The following CDK18 variants were observed in gnomAD, a reference collection of about 807,000 sequenced individuals.
The protein encoded by CDK18 is cyclin dependent kinase 18.
Under a neutral mutation model 62.0 loss-of-function variants are expected in CDK18, and 52 were observed. The observed-to-expected ratio is 0.84, with a 90% CI of 0.67 to 1.06. CDK18 has a LOEUF of 1.06. CDK18 is among the 50% of genes least tolerant of loss of function. The pLI is 0.00. For missense variants in CDK18, 604 were observed against 619.9 expected, an observed-to-expected ratio of 0.97 and a Z score of 0.27; for synonymous variants, 237 against 247.0, an observed-to-expected ratio of 0.96 and a Z score of 0.38.
chr1:205,529,718 G>A, intron 13 of CDK18, 155 bp downstream of exon 13: 1 of 1,540,720 alleles, frequency 6.5e-7, no homozygotes. Context: ...CCAAGGGGTG[G>A]CCTCCATACA....
intron 1 of CDK18, among the ~76,000 whole-genome samples, chr1:205,513,078 C>T (rs1290887169): frequency 1.3e-5 from 2 of 152,186 alleles, no homozygotes; most frequent in Non-Finnish European, 1.5e-5. Context: ...ATGGTAGGCA[C>T]CAGTTTCTGT....
At chr1:205,518,893 A>G (rs770139811) in intron 1 of CDK18, among the ~76,000 whole-genome samples, 1 of 152,204 alleles carries the variant, frequency 6.6e-6, no homozygotes, top group East Asian at 1.9e-4. Context: ...GCTGAGCTTT[A>G]TGACTTACCT....
intron 1 of CDK18, chr1:205,522,496 C>G (rs1355879885): frequency 2.6e-5 from 4 of 152,218 alleles, no homozygotes; most frequent in African/African-American, 4.8e-5. Flanking sequence ...CTCTGATGCA[C>G]TCTTCCCTTC....
In CDK18 at chr1:205,531,639, G is replaced by T. The variant is rs557763056; in HGVS notation, c.*261G>T. 4.2e-6 allele frequency: 2 copies of T among 476,592 alleles called. No homozygotes were observed. Among genetic ancestry groups the T allele is most frequent in the Non-Finnish European group, 7.7e-6 (2 of 258,592 alleles). The allele number at this position is 476,592 out of a possible 1,614,324, so 29.5% of individuals were successfully genotyped here. Reference sequence around the variant, plus strand: ...AAGCTGCTTCCCTGAGAGGACATGAGGGGGGGGCGGTCCTCGTACCCTCTC... The same window carrying T: ...AAGCTGCTTCCCTGAGAGGACATGATGGGGGGGCGGTCCTCGTACCCTCTC... On this transcript the variant is annotated 3_prime_UTR_variant, in exon 16 of 16. Transcript: ENST00000429964.
chr1:205,526,486 G>A lies in CDK18; in HGVS notation c.666+25G>A, dbSNP rs369685159. On this transcript the variant is annotated intron_variant, in intron 7 of 15. Transcript: ENST00000429964. ...GGTGAGAGTCCGGCTGGGGCTGGCC[G>A]CCTCTCCCTCTTGTGGTGGAAACGG... is the stretch of plus-strand genomic sequence containing the variant. 46 of 1,561,730 alleles carry A rather than the reference G, an allele frequency of 2.9e-5. No homozygotes were observed. The African/African-American group carries it at 4.5e-4, about 15-fold the overall frequency.
chr1:205,523,412 G>A (rs757093372), intron 2 of CDK18, 71 bp from the exon 3 acceptor site: 1 of 1,600,276 alleles, frequency 6.2e-7, no homozygotes, highest in Non-Finnish European at 8.5e-7. Flanking sequence ...ACAGCGCTGG[G>A]GGAGGGGGGC....
rs1450141190 is a variant in CDK18 at position 205,531,671 on chromosome 1, T to C, written c.*293T>C. On this transcript the variant is annotated 3_prime_UTR_variant, in exon 16 of 16. Transcript: ENST00000429964. Reference sequence around the variant, plus strand: ...GCGGTCCTCGTACCCTCTCCCACCCTGGTGTTTGGGCACCTGCGTGGGATG... The same window carrying C: ...GCGGTCCTCGTACCCTCTCCCACCCCGGTGTTTGGGCACCTGCGTGGGATG... 6 of 423,948 alleles carry C rather than the reference T, an allele frequency of 1.4e-5. 1 individual carries two copies. Among genetic ancestry groups the C allele is most frequent in the South Asian group, 1.4e-4 (6 of 43,618 alleles). 26.3% of individuals were successfully genotyped at this position (423,948 alleles called of 1,614,324 possible).
Position 205,523,576 on chromosome 1 carries a change from C to G in CDK18, c.224C>G (p.Pro75Arg), listed in dbSNP as rs1668258579. The change falls in exon 3 of 16, where the codon CCT becomes CGT. Residue 75 changes from proline (P) to arginine (R), a missense_variant. Pro to Arg is a moderately radical substitution (Grantham distance 103). Transcript: ENST00000429964. ...DSGEEPGQLS[P>R]GVQFQRRQNQ... ...GGGGAGGAGCCGGGGCAGCTCTCCC[C>G]TGGCGTGCAGTTCCAGCGGCGGCAG... is the stretch of plus-strand genomic sequence containing the variant. The G allele has an allele frequency of 6.3e-7, 1 of 1,598,354 alleles. No homozygotes were observed. The highest frequency in any genetic ancestry group is 8.5e-7 in the Non-Finnish European group (1 of 1,172,888).
At chr1:205,526,576 T>G in intron 7 of CDK18, 115 bp downstream of exon 7, 1 of 964,588 alleles carries the variant, frequency 1.0e-6, no homozygotes, top group Non-Finnish European at 1.7e-6. Flanking sequence ...ACCCAGGCCT[T>G]GTTCTGGAAT....
intron 14 of CDK18, 56 bp downstream of exon 14, chr1:205,530,405 G>A (rs1299324105): frequency 3.9e-6 from 6 of 1,544,492 alleles, no homozygotes; most frequent in Non-Finnish European, 5.3e-6. Flanking sequence ...AGGGGTTGGT[G>A]AGTGTGGGCA....
At chr1:205,523,064 A>G (rs1668215950) in intron 1 of CDK18, 83 bp from the exon 2 acceptor site, 5 of 1,429,836 alleles carry the variant, frequency 3.5e-6, no homozygotes, top group Non-Finnish European at 4.7e-6. Context: ...GAGCTTGATG[A>G]GAGAGCTGAA....
At chr1:205,519,831 C>T (rs1668024966) in intron 1 of CDK18, among the ~76,000 whole-genome samples, 1 of 152,120 alleles carries the variant, frequency 6.6e-6, no homozygotes, top group African/African-American at 2.4e-5. Flanking sequence ...AGCTCCCCTC[C>T]CCTCACCCTA....
intron 11 of CDK18, 78 bp downstream of exon 11, chr1:205,529,174 G>C: frequency 7.1e-7 from 1 of 1,408,476 alleles, no homozygotes; most frequent in Non-Finnish European, 9.8e-7. Flanking sequence ...GAGCGGGACG[G>C]GGAGGAGCGG....
At chr1:205,512,879 G>A in intron 1 of CDK18, among the ~76,000 whole-genome samples, 1 of 152,290 alleles carries the variant, frequency 6.6e-6, no homozygotes, top group East Asian at 1.9e-4. Flanking sequence ...AGGTCCCCAG[G>A]GATGCCAGGC....
At chr1:205,529,192 G>T in intron 11 of CDK18, 96 bp downstream of exon 11, 1 of 1,351,658 alleles carries the variant, frequency 7.4e-7, no homozygotes, top group Non-Finnish European at 1.0e-6. Context: ...CGGCTCGGCC[G>T]CCTCTCTCCC....
chr1:205,527,531 G>T lies in CDK18; in HGVS notation c.730-263G>T, dbSNP rs968548751. The T allele has an allele frequency of 1.3e-5, 6 of 453,016 alleles. No individual in the cohort carries two copies. The highest frequency in any genetic ancestry group is 2.0e-5 in the Non-Finnish European group (5 of 251,578). 28.1% of individuals were successfully genotyped at this position (453,016 alleles called of 1,614,324 possible). Reference sequence around the variant, plus strand: ...CAAGCACATATGTCTCCACATAGGCGGGCATCCTGACCCCCGTGCTCCTGA... The same window carrying T: ...CAAGCACATATGTCTCCACATAGGCTGGCATCCTGACCCCCGTGCTCCTGA... On this transcript the variant is annotated intron_variant, in intron 8 of 15. Coordinates refer to ENST00000429964, the MANE Select transcript of CDK18 (RefSeq NM_212502.3). This position sits in a 1 kb window ranked among gnomAD's most constrained non-coding sequence, Gnocchi z 4.1.
chr1:205,514,519 G>C (rs1667724425), intron 1 of CDK18, among the ~76,000 whole-genome samples: 1 of 152,136 alleles, frequency 6.6e-6, no homozygotes, highest in South Asian at 2.1e-4. Context: ...CCTAGAAACA[G>C]GTCCCTGGCC....
At chr1:205,518,130 G>C in intron 1 of CDK18, among the ~76,000 whole-genome samples, 1 of 151,950 alleles carries the variant, frequency 6.6e-6, no homozygotes, top group Non-Finnish European at 1.5e-5. Context: ...CTGCTTCTTG[G>C]GGAGGCCTTC....
intron 1 of CDK18, 59 bp from the exon 2 acceptor site, chr1:205,523,088 G>T: frequency 6.6e-7 from 1 of 1,520,472 alleles, no homozygotes; most frequent in Non-Finnish European, 8.8e-7. Flanking sequence ...CCAGTGGGTG[G>T]AGACCTGGAC....
Sources: allele counts gnomAD v4.1 joint callset (sites outside exome capture counted in the v4.1 genomes callset), GRCh38; gene constraint gnomAD v4.1.1; non-coding constraint Gnocchi (gnomAD v3.1); transcripts MANE v1.5; gene names NCBI Gene and HGNC (gene_info 2026-07-23, HGNC 2026-07-21).